Variants in C6orf62 observed in about 807,000 individuals in gnomAD.
C6orf62 encodes the protein uncharacterized protein C6orf62.
A neutral mutation model predicts 26.8 loss-of-function variants in C6orf62; 16 were observed. The ratio of observed to expected loss-of-function variants is 0.60; its 90% CI spans 0.40 to 0.91. The LOEUF is 0.91. C6orf62 is among the 40% of genes least tolerant of loss of function. The pLI is 0.00. For missense variants in C6orf62, 192 were observed against 271.4 expected (o/e 0.71, Z 2.06); for synonymous variants, 112 against 91.5 (o/e 1.22, Z -1.28).
chr6:24,706,128 G>A lies in C6orf62; in HGVS notation c.*9C>T. 1 of 1,613,722 alleles carries A rather than the reference G, an allele frequency of 6.2e-7. No homozygotes were observed. Among genetic ancestry groups the A allele is most frequent in the East Asian group, 2.2e-5 (1 of 44,870 alleles). On this transcript the variant is annotated 3_prime_UTR_variant, in exon 5 of 5. Coordinates refer to ENST00000378119, the MANE Select transcript of C6orf62 (RefSeq NM_030939.5). ...TTCTCTGATCTTCTCCATTTTGCTG[G>A]TCAGTACTCTACTCTGGCATATAAG...
chr6:24,719,571 G>A (rs1459274745), upstream of C6orf62: 4 of 1,290,882 alleles, frequency 3.1e-6, no homozygotes, highest in Non-Finnish European at 2.9e-6. Flanking sequence ...AGAAGGAAAA[G>A]GGGTATATAA....
chr6:24,720,013 G>GGGGCGC, upstream of C6orf62: 1 of 1,479,404 alleles, frequency 6.8e-7, no homozygotes, highest in Non-Finnish European at 9.0e-7. Context: ...TCTAAAGTAA[G>GGGGCGC]CCCACCCACC....
upstream of C6orf62, chr6:24,720,077 C>A: frequency 8.0e-7 from 1 of 1,254,046 alleles, no homozygotes; most frequent in Admixed American, 3.5e-5. Flanking sequence ...TTGAACAGAC[C>A]ATGTTTCCAG....
At chr6:24,710,492 G>A (rs995900267) in intron 3 of C6orf62, 21 of 660,946 alleles carry the variant, frequency 3.2e-5, no homozygotes, top group Admixed American at 6.3e-5. Flanking sequence ...TCAAACTCCC[G>A]ACCTCAGGTG....
At position 24,718,749 on chromosome 6, in the gene C6orf62, GAAAC is replaced by G. The variant is rs559072315; in HGVS notation, c.-85_-82del. The stretch of plus-strand genomic sequence containing the variant: ...TTTTTCTTAAGACTCAAGTACAACA[GAAAC>G]AAGTCATTTTTTTTCCTGCTAATAT... On this transcript the variant is annotated 5_prime_UTR_variant, in exon 1 of 5. It removes the in-frame stop codon of an upstream open reading frame in the 5' UTR. Transcript: ENST00000378119. 75 of 1,580,716 alleles carry G rather than the reference GAAAC, an allele frequency of 4.7e-5. 2 individuals carry two copies. The South Asian group carries it at 8.5e-4, about 18-fold the overall frequency.
upstream of C6orf62, chr6:24,719,540 G>T: frequency 3.4e-6 from 4 of 1,190,766 alleles, no homozygotes; most frequent in Non-Finnish European, 3.1e-6. Flanking sequence ...TAACGCTGCT[G>T]CCAAGGAGAA....
Position 24,718,905 on chromosome 6 carries a change from G to A in C6orf62, c.-237C>T, listed in dbSNP as rs576127903. The A allele has an allele frequency of 1.4e-5, 18 of 1,301,016 alleles. No homozygotes were observed. In the African/African-American group the frequency reaches 2.3e-4, roughly 17 times the overall value. The allele number at this position is 1,301,016 out of a possible 1,614,324, so 80.6% of individuals were successfully genotyped here. A position where few individuals can be genotyped will look rare whatever the true frequency, so the allele number is the denominator to read the frequency against. ...AGTCATGTTTGGACAATAACGTTTG[G>A]GGTCAGACGGGAAAAAGGGAGGAAA... On this transcript the variant is annotated 5_prime_UTR_variant, in exon 1 of 5. Transcript: ENST00000378119.
intron 3 of C6orf62, chr6:24,709,582 A>C: frequency 1.0e-6 from 1 of 985,190 alleles, no homozygotes; most frequent in African/African-American, 1.7e-5. Context: ...CCCACAACTG[A>C]AATATAGTTT....
intron 4 of C6orf62, among the ~76,000 whole-genome samples, chr6:24,706,546 A>T (rs1779012929): frequency 6.6e-6 from 1 of 152,236 alleles, no homozygotes; most frequent in Non-Finnish European, 1.5e-5. Context: ...AGAAGTTTGA[A>T]GTCATTTTTA....
intron 3 of C6orf62, chr6:24,710,058 G>C: frequency 1.0e-6 from 1 of 982,770 alleles, no homozygotes; most frequent in Non-Finnish European, 1.2e-6. Context: ...ATACTGAATT[G>C]TACTTCCATA....
chr6:24,709,150 C>G, intron 3 of C6orf62: 1 of 967,654 alleles, frequency 1.0e-6, no homozygotes, highest in Non-Finnish European at 1.2e-6. Flanking sequence ...TCAACGGTCA[C>G]ATGACTACTG....
chr6:24,705,522 A>T lies in C6orf62; in HGVS notation c.*615T>A, dbSNP rs1778991359. 1 of 152,656 alleles carries T rather than the reference A, an allele frequency of 6.6e-6. No individual in the cohort carries two copies. Among genetic ancestry groups the T allele is most frequent in the Non-Finnish European group, 1.5e-5 (1 of 68,048 alleles). 9.5% of individuals were successfully genotyped at this position (152,656 alleles called of 1,614,324 possible). A position where few individuals can be genotyped will look rare whatever the true frequency, so the allele number is the denominator to read the frequency against. On this transcript the variant is annotated 3_prime_UTR_variant, in exon 5 of 5. Coordinates refer to ENST00000378119, the MANE Select transcript of C6orf62 (RefSeq NM_030939.5). ...GGAAAGAGATCTGGAAAAAAAAAAT[A>T]CATGAGTACCAGGAAACAAACATGG...
upstream of C6orf62, chr6:24,720,270 T>C (rs905350837): frequency 2.6e-5 from 34 of 1,294,558 alleles, no homozygotes; most frequent in African/African-American, 2.3e-4. Context: ...GGCGGAGCGG[T>C]GGCGGCGGCG....
chr6:24,717,923 C>T (rs1779266306), intron 1 of C6orf62, among the ~76,000 whole-genome samples: 1 of 152,176 alleles, frequency 6.6e-6, no homozygotes, highest in African/African-American at 2.4e-5. Context: ...CTGATTAAGA[C>T]CTCCACCGCC....
Position 24,709,312 on chromosome 6 carries a change from T to C in C6orf62, c.430-401A>G, listed in dbSNP as rs1779075391. On this transcript the variant is annotated intron_variant, in intron 3 of 4. Transcript: ENST00000378119. ...GTACTCCACGATCATAAAATTGTAT[T>C]TTCAAACCTACTCAGTCCAAGACTC... 4 of 985,320 alleles carry C rather than the reference T, an allele frequency of 4.1e-6. No homozygotes were observed. In the South Asian group the frequency reaches 1.9e-4, roughly 46 times the overall value. The allele number at this position is 985,320 out of a possible 1,614,324, so 61.0% of individuals were successfully genotyped here.
At chr6:24,718,096 T>C (rs1375340767) in intron 1 of C6orf62, among the ~76,000 whole-genome samples, 1 of 152,228 alleles carries the variant, frequency 6.6e-6, no homozygotes, top group Non-Finnish European at 1.5e-5. Context: ...CTTCATTAAA[T>C]GTAAGAGAAA....
At chr6:24,706,604 G>T in intron 4 of C6orf62, 1 of 203,042 alleles carries the variant, frequency 4.9e-6, no homozygotes, top group Non-Finnish European at 1.0e-5. Context: ...GCTAGTGAGA[G>T]GATGAAGGAA....
upstream of C6orf62, chr6:24,719,278 CT>C (rs1562172857): frequency 1.0e-6 from 1 of 989,260 alleles, no homozygotes; most frequent in Non-Finnish European, 1.2e-6. Context: ...GCTGTAGTAC[CT>C]AATTCTTAGT....
intron 4 of C6orf62, among the ~76,000 whole-genome samples, chr6:24,708,286 G>A (rs1423111693): frequency 1.3e-5 from 2 of 149,538 alleles, no homozygotes; most frequent in African/African-American, 4.9e-5. Flanking sequence ...CCAGGTTGCT[G>A]TAACATGCAG....
Sources: allele counts gnomAD v4.1 joint callset (sites outside exome capture counted in the v4.1 genomes callset), GRCh38; gene constraint gnomAD v4.1.1; transcripts MANE v1.5; gene names NCBI Gene and HGNC (gene_info 2026-07-23, HGNC 2026-07-21).